Variants in VPS13B observed in about 807,000 individuals in gnomAD.
VPS13B encodes vacuolar protein sorting 13 homolog B.
Under a neutral mutation model 426.4 loss-of-function variants are expected in VPS13B, and 285 were observed. The observed-to-expected ratio is 0.67, with a 90% confidence interval of 0.61 to 0.74. VPS13B has a LOEUF of 0.74. VPS13B is among the 30% of genes least tolerant of loss of function. VPS13B has a pLI of 0.00. For missense variants in VPS13B, 4,537 were observed against 4,782.6 expected (o/e 0.95, Z 1.51); for synonymous variants, 1,676 against 1,676.4 (o/e 1.00, Z 0.01).
intron 3 of VPS13B, among the ~76,000 whole-genome samples, chr8:99,066,938 G>A (rs1277831513): frequency 6.6e-6 from 1 of 152,168 alleles, no homozygotes; most frequent in Non-Finnish European, 1.5e-5. Flanking sequence ...GAAAACCACA[G>A]TGAGATACCA....
chr8:99,219,432 T>A (rs1255151224), intron 17 of VPS13B, among the ~76,000 whole-genome samples: 1 of 152,174 alleles, frequency 6.6e-6, no homozygotes, highest in Non-Finnish European at 1.5e-5. Flanking sequence ...AAAATGAGGG[T>A]TAAAGTTTCT....
At chr8:99,185,034 G>A (rs1813145416) in intron 16 of VPS13B, among the ~76,000 whole-genome samples, 1 of 152,144 alleles carries the variant, frequency 6.6e-6, no homozygotes, top group Non-Finnish European at 1.5e-5. Flanking sequence ...TGTTGAAAAA[G>A]ATACTCCGAT....
chr8:99,875,889 A>C lies in VPS13B; in HGVS notation c.*223A>C. On this transcript the variant is annotated 3_prime_UTR_variant, in exon 62 of 62. Coordinates refer to ENST00000357162, the MANE Select transcript of VPS13B (RefSeq NM_152564.5). ...TTTTTAAAAAGCCTAGGCAGCTCTA[A>C]CATCATCTGATATGGACACAAGGCC... 1 of 584,308 alleles carries C rather than the reference A, an allele frequency of 1.7e-6. No individual in the cohort carries two copies. The highest frequency in any genetic ancestry group is 3.0e-6 in the Non-Finnish European group (1 of 330,826). The allele number at this position is 584,308 out of a possible 1,614,324, so 36.2% of individuals were successfully genotyped here.
At chr8:99,618,762 GTTAT>G (rs1188682888) in intron 33 of VPS13B, among the ~76,000 whole-genome samples, 10 of 152,074 alleles carry the variant, frequency 6.6e-5, no homozygotes, top group African/African-American at 1.9e-4. Context: ...TTCTCTTTTA[GTTAT>G]TTGTTTTTTC....
At chr8:99,710,835 CAA>C (rs532543246) in intron 36 of VPS13B, among the ~76,000 whole-genome samples, 38 of 86,344 alleles carry the variant, frequency 4.4e-4, no homozygotes, top group African/African-American at 5.2e-4. Context: ...ACTAAAAATG[CAA>C]AAAAAAAAAA....
At chr8:99,215,702 C>T (rs1040738158) in intron 17 of VPS13B, among the ~76,000 whole-genome samples, 2 of 152,114 alleles carry the variant, frequency 1.3e-5, no homozygotes, top group African/African-American at 4.8e-5. Flanking sequence ...CCATTCAGTG[C>T]CCAAGGTTTT....
chr8:99,163,649 G>A (rs1811815611), intron 15 of VPS13B, among the ~76,000 whole-genome samples: 1 of 152,264 alleles, frequency 6.6e-6, no homozygotes, highest in Non-Finnish European at 1.5e-5. Context: ...GGGGTGCTAA[G>A]TCCCTCATTG....
At chr8:99,144,700 C>G (rs1166545555) in intron 13 of VPS13B, among the ~76,000 whole-genome samples, 1 of 152,126 alleles carries the variant, frequency 6.6e-6, no homozygotes, top group Non-Finnish European at 1.5e-5. Context: ...TTATACCTTA[C>G]TTGAATGCCT....
chr8:99,275,828 G>A (rs1461749347), intron 19 of VPS13B, among the ~76,000 whole-genome samples: 2 of 152,154 alleles, frequency 1.3e-5, no homozygotes, highest in Non-Finnish European at 2.9e-5. Context: ...ACTGAGAAAA[G>A]AAAAATGTAT....
chr8:99,792,997 A>G (rs1315993217), intron 43 of VPS13B, among the ~76,000 whole-genome samples: 1 of 150,934 alleles, frequency 6.6e-6, no homozygotes, highest in Admixed American at 6.6e-5. Flanking sequence ...CTTGAGTCCA[A>G]GTGTTAAAGA....
intron 2 of VPS13B, among the ~76,000 whole-genome samples, chr8:99,031,909 C>T (rs1221942088): frequency 6.6e-6 from 1 of 152,276 alleles, no homozygotes. Flanking sequence ...TGATATAGTA[C>T]TGCAGCAACT....
rs781012951 is a variant in VPS13B, at chr8:99,784,297, G to C, written c.7780-18G>C. The C allele has an allele frequency of 1.2e-6, 2 of 1,613,308 alleles. No homozygotes were observed. Among genetic ancestry groups the C allele is most frequent in the African/African-American group, 1.3e-5 (1 of 74,838 alleles). Reference sequence around the variant, plus strand: ...ATTAATCCGATCCATGTTGGCTTTCGTATCCTTTTTCTTTCAGAACAAATG... The same window carrying C: ...ATTAATCCGATCCATGTTGGCTTTCCTATCCTTTTTCTTTCAGAACAAATG... On this transcript the variant is annotated intron_variant, in intron 42 of 61. Coordinates refer to ENST00000357162, the MANE Select transcript of VPS13B (RefSeq NM_152564.5).
chr8:99,531,617 G>C (rs1271717258), intron 30 of VPS13B, among the ~76,000 whole-genome samples: 1 of 151,464 alleles, frequency 6.6e-6, no homozygotes, highest in Admixed American at 6.6e-5. Flanking sequence ...AAAAAATATT[G>C]GTTTTATTTT....
chr8:99,740,137 C>T (rs139203073), intron 39 of VPS13B, among the ~76,000 whole-genome samples: 2,975 of 152,208 alleles, frequency 0.02, 107 homozygotes, highest in African/African-American at 0.068. Flanking sequence ...AAGGACCTGA[C>T]GGAGCTGCAA....
rs182814788 is a variant in VPS13B, at chr8:99,412,782, G to T, written c.3083-18755G>T. On this transcript the variant is annotated intron_variant, in intron 21 of 61. Transcript: ENST00000357162. ...TTTATTGAGAGTTTTTAGCATGAAG[G>T]GGTGTTGAATTTTATTGAAGTCCTT... is the stretch of plus-strand genomic sequence containing the variant. Among the ~76,000 whole-genome samples the T allele has an allele frequency of 4.7e-4, 72 of 152,244 alleles. 1 individual carries two copies. The highest frequency in any genetic ancestry group is 1.0e-3 in the Admixed American group (16 of 15,282).
At position 99,853,555 on chromosome 8, in the gene VPS13B, TCA is replaced by T. The variant is rs758035115; in HGVS notation, c.10170_10171del (p.Leu3391GlyfsTer25). 6.2e-7 allele frequency: 1 copy of T among 1,614,110 alleles called. No homozygotes were observed. The highest frequency in any genetic ancestry group is 8.5e-7 in the Non-Finnish European group (1 of 1,180,038). On this transcript the variant is annotated frameshift_variant, in exon 56 of 62. Coordinates refer to ENST00000357162, the MANE Select transcript of VPS13B (RefSeq NM_152564.5). LOFTEE classifies it high-confidence loss of function. ...AAAGCATCAGCTGAGCTTCTGAGAC[TCA>T]CACTGGACAACATTTTTCTCTGTGT...
chr8:99,466,232 C>G (rs557921048), intron 23 of VPS13B, among the ~76,000 whole-genome samples: 6 of 152,058 alleles, frequency 3.9e-5, no homozygotes, highest in Non-Finnish European at 7.4e-5. Flanking sequence ...TTGGGGGTGG[C>G]AAAATAGAAG....
At chr8:99,556,854 A>G (rs925954644) in intron 31 of VPS13B, among the ~76,000 whole-genome samples, 1 of 151,628 alleles carries the variant, frequency 6.6e-6, no homozygotes. Context: ...TTACACTGAA[A>G]TTATTACAAA....
chr8:99,266,493 A>G (rs1818311259), intron 17 of VPS13B, among the ~76,000 whole-genome samples: 1 of 152,078 alleles, frequency 6.6e-6, no homozygotes, highest in South Asian at 2.1e-4. Context: ...TTTTCAGAAA[A>G]GTACTAGGAG....
Sources: gnomAD v4.1 joint callset for allele counts (sites outside exome capture counted in the v4.1 genomes callset) on GRCh38, gnomAD v4.1.1 for gene constraint, MANE v1.5 for transcripts, NCBI Gene and HGNC (gene_info 2026-07-23, HGNC 2026-07-21) for gene names.